ENTREP2: variants seen among roughly 807,000 people sequenced by gnomAD.
ENTREP2 encodes protein ENTREP2.
chr15:29,570,771 G>GC, the ENTREP2 span: 5 of 668,918 alleles, frequency 7.5e-6, no homozygotes, highest in Non-Finnish European at 7.3e-6. Context: ...GGCCCGGCGC[G>GC]CGCCGCCGCC....
chr15:29,579,732 A>G, the ENTREP2 span, among the ~76,000 whole-genome samples: 1 of 85,542 alleles, frequency 1.2e-5, no homozygotes, highest in Admixed American at 1.8e-4. Context: ...TTTTTTTGAG[A>G]CGGAGTCTCA....
the ENTREP2 span, among the ~76,000 whole-genome samples, chr15:29,216,174 C>A: frequency 6.6e-6 from 1 of 152,164 alleles, no homozygotes; most frequent in Non-Finnish European, 1.5e-5. Flanking sequence ...GTGGCGAATT[C>A]TCTCAGCATT....
At chr15:29,565,530 C>T in the ENTREP2 span, among the ~76,000 whole-genome samples, 4 of 152,030 alleles carry the variant, frequency 2.6e-5, no homozygotes, top group African/African-American at 9.7e-5. Context: ...TACTCCACAG[C>T]CATTAAAGAT....
the ENTREP2 span, among the ~76,000 whole-genome samples, chr15:29,443,794 G>C: frequency 1.3e-5 from 2 of 152,112 alleles, no homozygotes; most frequent in East Asian, 3.9e-4. Flanking sequence ...GGCATTCAGT[G>C]AATCTGCATC....
At chr15:29,134,051 C>T in the ENTREP2 span, among the ~76,000 whole-genome samples, 1 of 152,144 alleles carries the variant, frequency 6.6e-6, no homozygotes, top group African/African-American at 2.4e-5. Context: ...TTCCATGGAC[C>T]CCCAAATTGG....
At chr15:29,191,057 G>A in the ENTREP2 span, among the ~76,000 whole-genome samples, 3 of 152,094 alleles carry the variant, frequency 2.0e-5, no homozygotes, top group Admixed American at 6.5e-5. Flanking sequence ...TGCTGCCCAA[G>A]AGTTTTAATA....
the ENTREP2 span, among the ~76,000 whole-genome samples, chr15:29,137,804 C>G: frequency 6.6e-6 from 1 of 152,104 alleles, no homozygotes; most frequent in African/African-American, 2.4e-5. Flanking sequence ...CCATTGCACT[C>G]CAGCCTAGGC....
chr15:29,121,990 C>G, the ENTREP2 span: 2 of 152,398 alleles, frequency 1.3e-5, no homozygotes, highest in Non-Finnish European at 1.5e-5. Flanking sequence ...CGTGAGCCCC[C>G]TGCCCTGGCA....
the ENTREP2 span, among the ~76,000 whole-genome samples, chr15:29,129,230 G>GT: frequency 0.041 from 6,307 of 152,036 alleles, 450 homozygotes; most frequent in African/African-American, 0.14. Flanking sequence ...TGCCCAGCTA[G>GT]TTTTTTGTAT....
the ENTREP2 span, among the ~76,000 whole-genome samples, chr15:29,357,415 C>T: frequency 6.6e-6 from 1 of 151,656 alleles, no homozygotes; most frequent in African/African-American, 2.4e-5. Context: ...TTCACATATT[C>T]CACCAAGAAA....
the ENTREP2 span, among the ~76,000 whole-genome samples, chr15:29,600,902 C>CTTTTTTTTTTTTTTTTTTTTTTTTTT: frequency 8.1e-6 from 1 of 123,624 alleles, no homozygotes; most frequent in African/African-American, 3.6e-5. Context: ...ATTTTTCTTT[C>CTTTTTTTTTTTTTTTTTTTTTTTTTT]TTTTTTTTTT....
At chr15:29,497,819 C>CTTTAGG in the ENTREP2 span, among the ~76,000 whole-genome samples, 7,251 of 152,030 alleles carry the variant, frequency 0.048, 542 homozygotes, top group African/African-American at 0.16. Flanking sequence ...CTTCTGCTAA[C>CTTTAGG]TTTAGTTTGT....
the ENTREP2 span, among the ~76,000 whole-genome samples, chr15:29,337,253 G>C: frequency 1.3e-5 from 2 of 152,190 alleles, no homozygotes; most frequent in South Asian, 4.1e-4. Flanking sequence ...GTGCTGTGCG[G>C]ACTGTCAATC....
the ENTREP2 span, among the ~76,000 whole-genome samples, chr15:29,241,919 C>T: frequency 6.6e-6 from 1 of 152,094 alleles, no homozygotes; most frequent in African/African-American, 2.4e-5. Flanking sequence ...TGGTGCATAC[C>T]TGTAGTGCCA....
chr15:29,444,178 G>C, the ENTREP2 span, among the ~76,000 whole-genome samples: 197 of 15,332 alleles, frequency 0.013, 2 homozygotes, highest in African/African-American at 0.042. Context: ...GACAAAGAAA[G>C]AAAGAAAGAA....
chr15:29,293,975 C>A, the ENTREP2 span, among the ~76,000 whole-genome samples: 2 of 152,138 alleles, frequency 1.3e-5, no homozygotes, highest in Admixed American at 1.3e-4. Flanking sequence ...AGGAGCTGGG[C>A]CTACAATTCT....
At chr15:29,251,511 T>C in the ENTREP2 span, among the ~76,000 whole-genome samples, 1 of 152,242 alleles carries the variant, frequency 6.6e-6, no homozygotes, top group Admixed American at 6.5e-5. Context: ...TAAACTTCCT[T>C]AAAACATTAT....
At chr15:29,212,949 T>C in the ENTREP2 span, among the ~76,000 whole-genome samples, 1 of 152,216 alleles carries the variant, frequency 6.6e-6, no homozygotes, top group East Asian at 1.9e-4. Context: ...CTTTAATCCA[T>C]CTTGAATTAG....
the ENTREP2 span, among the ~76,000 whole-genome samples, chr15:29,193,765 AAG>A: frequency 6.6e-6 from 1 of 152,240 alleles, no homozygotes; most frequent in Non-Finnish European, 1.5e-5. Flanking sequence ...GAATCTGCAA[AAG>A]AGCTACCAGA....
Sources: gnomAD v4.1 joint callset for allele counts (sites outside exome capture counted in the v4.1 genomes callset) on GRCh38, gnomAD v4.1.1 for gene constraint, MANE v1.5 for transcripts, NCBI Gene and HGNC (gene_info 2026-07-23, HGNC 2026-07-21) for gene names.